The following SUCLG1 variants were observed in gnomAD, a reference collection of about 807,000 sequenced individuals.
SUCLG1 encodes the protein succinate--CoA ligase [ADP/GDP-forming] subunit alpha, mitochondrial.
A neutral mutation model predicts 37.3 loss-of-function variants in SUCLG1; 26 were observed. The observed-to-expected ratio is 0.70, with a 90% confidence interval of 0.51 to 0.97. SUCLG1 has a LOEUF of 0.97. SUCLG1 is among the 50% of genes least tolerant of loss of function. The probability of loss-of-function intolerance (pLI) is 0.00; values close to 1 mark genes in which losing one functional copy is unlikely to be tolerated. For synonymous variants in SUCLG1, 163 were observed against 155.6 expected (o/e 1.05, Z -0.36); for missense variants, 433 against 432.9 (o/e 1.00, Z 0.00).
intron 2 of SUCLG1, among the ~76,000 whole-genome samples, chr2:84,444,533 C>T (rs1191540857): frequency 2.0e-5 from 3 of 152,294 alleles, no homozygotes; most frequent in South Asian, 2.1e-4. Flanking sequence ...CACAGGACCA[C>T]AGGACCACAG....
At chr2:84,434,456 C>T (rs997709690) in intron 5 of SUCLG1, among the ~76,000 whole-genome samples, 1 of 152,074 alleles carries the variant, frequency 6.6e-6, no homozygotes, top group South Asian at 2.1e-4. Context: ...TAGGTGTGCG[C>T]CGAGGGAGGA....
At chr2:84,431,370 G>T in intron 7 of SUCLG1, 138 bp downstream of exon 7, 1 of 1,027,720 alleles carries the variant, frequency 9.7e-7, no homozygotes, top group Non-Finnish European at 1.4e-6. Flanking sequence ...TGAGTGTCCA[G>T]TATAGAAGGC....
intron 3 of SUCLG1, 146 bp from the exon 4 acceptor site, chr2:84,441,605 T>G: frequency 4.6e-5 from 42 of 922,546 alleles, no homozygotes; most frequent in Non-Finnish European, 6.4e-5. Flanking sequence ...TCAAATTTGC[T>G]ACACTGTCAG....
intron 5 of SUCLG1, 182 bp from the exon 6 acceptor site, chr2:84,433,617 AG>A: frequency 8.0e-6 from 5 of 623,496 alleles, no homozygotes; most frequent in Non-Finnish European, 8.6e-6. Flanking sequence ...AAATTCAAGC[AG>A]GGGGGTTTTT....
chr2:84,435,907 C>G (rs935278011), intron 5 of SUCLG1, among the ~76,000 whole-genome samples: 2 of 152,218 alleles, frequency 1.3e-5, no homozygotes, highest in Admixed American at 6.5e-5. Context: ...AGGAGGTCAG[C>G]CAGCCAGTCA....
At chr2:84,453,545 T>C (rs938272859) in intron 1 of SUCLG1, among the ~76,000 whole-genome samples, 2 of 151,990 alleles carry the variant, frequency 1.3e-5, no homozygotes, top group African/African-American at 4.8e-5. Flanking sequence ...CTCCTGAGTA[T>C]CTGGGACTAT....
intron 7 of SUCLG1, among the ~76,000 whole-genome samples, chr2:84,429,734 A>G (rs755750309): frequency 6.6e-6 from 1 of 152,224 alleles, no homozygotes; most frequent in Non-Finnish European, 1.5e-5. Flanking sequence ...GAAACATTAC[A>G]TGGGAAACAC....
intron 2 of SUCLG1, among the ~76,000 whole-genome samples, chr2:84,446,183 C>G (rs1672848145): frequency 6.6e-6 from 1 of 152,236 alleles, no homozygotes; most frequent in African/African-American, 2.4e-5. Context: ...CAGGACTACA[C>G]ACACTCCTCC....
chr2:84,423,921 G>A (rs1573360532), intron 8 of SUCLG1, 149 bp from the exon 9 acceptor site: 6 of 860,210 alleles, frequency 7.0e-6, no homozygotes, highest in East Asian at 5.4e-5. Flanking sequence ...ACCAGGATGA[G>A]GGTGTTTGAA....
At chr2:84,444,963 C>T (rs142296229) in intron 2 of SUCLG1, among the ~76,000 whole-genome samples, 7,330 of 152,208 alleles carry the variant, frequency 0.048, 216 homozygotes, top group Middle Eastern at 0.092. Flanking sequence ...TTCATGGTGC[C>T]CAGATTTCAT....
In SUCLG1 at chr2:84,449,762, TA is replaced by T. The variant is rs56733272; in HGVS notation, c.98-11del. 5,550 of 787,096 alleles carry T rather than the reference TA, an allele frequency of 7.1e-3. 35 individuals carry two copies. The highest frequency in any genetic ancestry group is 0.052 in the African/African-American group (2,077 of 40,250). The allele number at this position is 787,096 out of a possible 1,614,324, so 48.8% of individuals were successfully genotyped here. ...ATTCCATTCTGCGGCACTAAGAGGTTAAAAAAAAAAAAAAAAAAAAAAAAAG... is the reference window on the plus strand; with the variant it reads ...ATTCCATTCTGCGGCACTAAGAGGTTAAAAAAAAAAAAAAAAAAAAAAAAG... On this transcript the variant is annotated splice_polypyrimidine_tract_variant and intron_variant, in intron 1 of 8. Transcript: ENST00000393868.
chr2:84,429,347 T>G (rs2104241123), intron 7 of SUCLG1, among the ~76,000 whole-genome samples: 1 of 152,336 alleles, frequency 6.6e-6, no homozygotes, highest in South Asian at 2.1e-4. Flanking sequence ...AGCACAATGC[T>G]GTATTAACCG....
chr2:84,448,226 A>T (rs930477235), intron 2 of SUCLG1, among the ~76,000 whole-genome samples: 4 of 151,968 alleles, frequency 2.6e-5, no homozygotes, highest in Non-Finnish European at 5.9e-5. Context: ...TTTTACATGA[A>T]ACAATCTGCT....
intron 2 of SUCLG1, among the ~76,000 whole-genome samples, chr2:84,446,615 T>C (rs1239458777): frequency 6.6e-6 from 1 of 152,170 alleles, no homozygotes; most frequent in East Asian, 1.9e-4. Context: ...CTCTCTCTCT[T>C]AAAGCAGTGC....
At position 84,449,762 on chromosome 2, in the gene SUCLG1, T is replaced by TAAA. The variant is rs56733272; in HGVS notation, c.98-13_98-11dup. The TAAA allele has an allele frequency of 1.0e-5, 8 of 792,094 alleles. No individual in the cohort carries two copies. The highest frequency in any genetic ancestry group is 1.3e-5 in the Non-Finnish European group (7 of 543,852). The allele number at this position is 792,094 out of a possible 1,614,324, so 49.1% of individuals were successfully genotyped here. ...ATTCCATTCTGCGGCACTAAGAGGT[T>TAAA]AAAAAAAAAAAAAAAAAAAAAAAAA... On this transcript the variant is annotated splice_polypyrimidine_tract_variant and intron_variant, in intron 1 of 8. Transcript: ENST00000393868.
At chr2:84,425,753 A>C in intron 7 of SUCLG1, 150 bp from the exon 8 acceptor site, 1 of 823,738 alleles carries the variant, frequency 1.2e-6, no homozygotes, top group Non-Finnish European at 2.0e-6. Context: ...ATATTAAACC[A>C]TGATTGAAAC....
At chr2:84,445,467 G>A (rs1672835794) in intron 2 of SUCLG1, among the ~76,000 whole-genome samples, 1 of 151,948 alleles carries the variant, frequency 6.6e-6, no homozygotes, top group Non-Finnish European at 1.5e-5. Context: ...TATTCACATT[G>A]TCAACTGCCT....
intron 7 of SUCLG1, 109 bp from the exon 8 acceptor site, chr2:84,425,712 C>T (rs564021626): frequency 2.4e-6 from 3 of 1,230,872 alleles, no homozygotes; most frequent in African/African-American, 1.5e-5. Context: ...CAGGGGAAAG[C>T]CCACCATTCA....
chr2:84,440,488 A>C (rs1171741927), intron 5 of SUCLG1, among the ~76,000 whole-genome samples: 1 of 152,238 alleles, frequency 6.6e-6, no homozygotes, highest in African/African-American at 2.4e-5. Flanking sequence ...ACTATTTGGC[A>C]GTTTCTTATA....
Sources: allele counts gnomAD v4.1 joint callset (sites outside exome capture counted in the v4.1 genomes callset), GRCh38; gene constraint gnomAD v4.1.1; transcripts MANE v1.5; gene names NCBI Gene and HGNC (gene_info 2026-07-23, HGNC 2026-07-21).